The following SERPINC1 variants were observed in gnomAD, a reference collection of about 807,000 sequenced individuals.
The protein encoded by SERPINC1 is serpin family C member 1.
Under a neutral mutation model 43.4 loss-of-function variants are expected in SERPINC1, and 12 were observed. The observed-to-expected ratio is 0.28, with a 90% confidence interval of 0.18 to 0.45. The LOEUF is 0.45. SERPINC1 is among the 20% of genes least tolerant of loss of function. The pLI is 1.00. For synonymous variants in SERPINC1, 210 were observed against 218.9 expected (o/e 0.96, Z 0.36); for missense variants, 423 against 578.8 (o/e 0.73, Z 2.76).
chr1:173,917,142 G>T, intron 1 of SERPINC1, 77 bp downstream of exon 1: 1 of 1,238,170 alleles, frequency 8.1e-7, no homozygotes, highest in Non-Finnish European at 1.2e-6. Flanking sequence ...CAAAGGTGTT[G>T]GAGGTCATTC....
At chr1:173,909,298 C>T (rs1657661785) in intron 5 of SERPINC1, among the ~76,000 whole-genome samples, 1 of 152,208 alleles carries the variant, frequency 6.6e-6, no homozygotes, top group East Asian at 1.9e-4. Flanking sequence ...GTCCCATCTC[C>T]TCTACCTGAT....
chr1:173,906,033 A>C (rs1458536889), intron 6 of SERPINC1, among the ~76,000 whole-genome samples: 3 of 152,162 alleles, frequency 2.0e-5, no homozygotes, highest in Middle Eastern at 3.4e-3. Flanking sequence ...TTTGACTACA[A>C]CCTTCATTCT....
intron 6 of SERPINC1, among the ~76,000 whole-genome samples, chr1:173,904,804 A>G (rs1236588680): frequency 1.3e-5 from 2 of 151,832 alleles, no homozygotes; most frequent in African/African-American, 2.4e-5. Flanking sequence ...ATCTCCCCAT[A>G]TTACCTATTT....
At chr1:173,908,490 C>CAAAA (rs753240633) in intron 5 of SERPINC1, among the ~76,000 whole-genome samples, 38 of 53,954 alleles carry the variant, frequency 7.0e-4, no homozygotes, top group Non-Finnish European at 1.0e-3. Flanking sequence ...GACTTCGTCT[C>CAAAA]AAAAAAAAAA....
intron 1 of SERPINC1, chr1:173,915,253 T>C: frequency 9.0e-7 from 1 of 1,106,164 alleles, no homozygotes; most frequent in Non-Finnish European, 1.2e-6. Flanking sequence ...AAAAATCGGC[T>C]TTAGTGCCCA....
chr1:173,909,192 A>G lies in SERPINC1; in HGVS notation c.1153+360T>C, dbSNP rs1657658128. ...AATAATAATAATAATAATAAATGTC[A>G]GTGAGGCCTGTGTAATGGGAACCAC... On this transcript the variant is annotated intron_variant, in intron 5 of 6. Coordinates refer to ENST00000367698, the MANE Select transcript of SERPINC1 (RefSeq NM_000488.4). 2.6e-5 allele frequency among the ~76,000 whole-genome samples: 4 copies of G among 152,116 alleles called. No homozygotes were observed. In the South Asian group the frequency reaches 8.3e-4, roughly 31 times the overall value.
intron 3 of SERPINC1, among the ~76,000 whole-genome samples, chr1:173,911,408 C>T (rs986245113): frequency 5.3e-5 from 8 of 152,220 alleles, no homozygotes; most frequent in African/African-American, 1.9e-4. Context: ...CCTTCATAGG[C>T]CCATGTGCTT....
At chr1:173,914,277 AGAAGTT>A (rs1295343237) in intron 2 of SERPINC1, among the ~76,000 whole-genome samples, 3 of 152,224 alleles carry the variant, frequency 2.0e-5, no homozygotes, top group Non-Finnish European at 2.9e-5. Context: ...ATTACTGAAA[AGAAGTT>A]GAGAGAAGAT....
In SERPINC1 at chr1:173,909,837, A is replaced by G. The variant is rs1303675024; in HGVS notation, c.868T>C (p.Phe290Leu). Residue 290 changes from phenylalanine (F) to leucine (L), a missense_variant, in exon 5 of 7, where the codon TTC (phenylalanine) becomes CTC (leucine). Transcript: ENST00000367698. ...CCTTCAGCCACGCGCCGATAACGGA[A>G]CTTGCCTTCCTGGTACATCATAGAT... ...SASMMYQEGK[F>L]RYRRVAEGTQ... The G allele has an allele frequency of 1.3e-5, 21 of 1,613,952 alleles. No individual in the cohort carries two copies. The Admixed American group carries it at 3.5e-4, about 27-fold the overall frequency.
At chr1:173,914,511 T>C (rs776257871) in intron 2 of SERPINC1, 42 bp downstream of exon 2, 1 of 1,612,810 alleles carries the variant, frequency 6.2e-7, no homozygotes, top group Non-Finnish European at 8.5e-7. Flanking sequence ...GCCCCAAAGG[T>C]GCTCCTAACA....
At chr1:173,905,044 A>AT (rs1459354518) in intron 6 of SERPINC1, among the ~76,000 whole-genome samples, 1 of 152,180 alleles carries the variant, frequency 6.6e-6, no homozygotes, top group African/African-American at 2.4e-5. Context: ...GATAAAATGA[A>AT]TCCAGACCTC....
chr1:173,906,348 G>T (rs989437512), intron 6 of SERPINC1, among the ~76,000 whole-genome samples: 1 of 152,228 alleles, frequency 6.6e-6, no homozygotes, highest in Non-Finnish European at 1.5e-5. Context: ...TCATTTGGGG[G>T]AACACGTTAA....
chr1:173,912,042 G>A (rs1419534685), intron 2 of SERPINC1, 28 bp from the exon 3 acceptor site: 1 of 1,545,300 alleles, frequency 6.5e-7, no homozygotes, highest in Non-Finnish European at 8.9e-7. Flanking sequence ...AAATGGTGGT[G>A]GGTTTGGTGG....
At chr1:173,908,350 C>T (rs768906516) in intron 5 of SERPINC1, among the ~76,000 whole-genome samples, 6 of 151,060 alleles carry the variant, frequency 4.0e-5, no homozygotes, top group Non-Finnish European at 5.9e-5. Context: ...ATTAGCCGGG[C>T]GTGGTGGCAG....
At chr1:173,916,258 C>T (rs895715854) in intron 1 of SERPINC1, among the ~76,000 whole-genome samples, 5 of 152,148 alleles carry the variant, frequency 3.3e-5, no homozygotes, top group African/African-American at 1.2e-4. Flanking sequence ...ATGGTTCCTG[C>T]GTGTACACAA....
At chr1:173,905,496 G>A (rs943352670) in intron 6 of SERPINC1, among the ~76,000 whole-genome samples, 1 of 152,122 alleles carries the variant, frequency 6.6e-6, no homozygotes, top group Non-Finnish European at 1.5e-5. Context: ...GAGTCAGGTG[G>A]ATCACTTAAG....
At chr1:173,913,979 G>A (rs1368809705) in intron 2 of SERPINC1, among the ~76,000 whole-genome samples, 1 of 152,098 alleles carries the variant, frequency 6.6e-6, no homozygotes, top group African/African-American at 2.4e-5. Context: ...TCAGGAGGCT[G>A]AGGTGGGAGA....
rs188274879 is a variant in SERPINC1 at position 173,914,874 on chromosome 1, G to A, written c.87C>T (p.Cys29=). Residue 29 remains cysteine (C), a synonymous_variant, in exon 2 of 7, where the codon TGC becomes TGT. Transcript: ENST00000367698. ...LSLLLIGFWD[C]VTCHGSPVDI... ...CCACAGGGCTCCCGTGACAGGTCACGCAGTCCCAGAAGCCAATGAGCAGCA... is the reference window on the plus strand; with the variant it reads ...CCACAGGGCTCCCGTGACAGGTCACACAGTCCCAGAAGCCAATGAGCAGCA... The A allele has an allele frequency of 3.6e-5, 58 of 1,614,166 alleles. No individual in the cohort carries two copies. The highest frequency in any genetic ancestry group is 3.0e-4 in the Admixed American group (18 of 60,030).
chr1:173,915,216 G>GT, intron 1 of SERPINC1: 1 of 1,286,910 alleles, frequency 7.8e-7, no homozygotes, highest in African/African-American at 1.5e-5. Flanking sequence ...GAAGCTTCCT[G>GT]TTTGTGACAT....
Sources: gnomAD v4.1 joint callset for allele counts (sites outside exome capture counted in the v4.1 genomes callset) on GRCh38, gnomAD v4.1.1 for gene constraint, MANE v1.5 for transcripts, NCBI Gene and HGNC (gene_info 2026-07-23, HGNC 2026-07-21) for gene names.